CCK: variants seen among roughly 807,000 people sequenced by gnomAD.
CCK encodes cholecystokinin triacontatriapeptide.
A neutral mutation model predicts 10.1 loss-of-function variants in CCK; 11 were observed. That is an observed-to-expected ratio of 1.09 (90% CI 0.69 to 1.81). The LOEUF is 1.81. CCK is among the 40% of genes most tolerant of loss of function. The pLI, the probability that CCK is intolerant of heterozygous loss-of-function variation, is 0.00. For synonymous variants in CCK, 83 were observed against 71.9 expected, an observed-to-expected ratio of 1.15 and a Z score of -0.78; for missense variants, 137 against 159.9, an observed-to-expected ratio of 0.86 and a Z score of 0.77.
intron 3 of CCK, 122 bp from the exon 4 acceptor site, chr3:42,263,754 G>A: frequency 1.4e-6 from 2 of 1,409,844 alleles, no homozygotes; most frequent in Non-Finnish European, 1.9e-6. Context: ...CCGCCAGGCC[G>A]CCGCAAGCAC....
chr3:42,259,569 G>A (rs1345068758), intron 4 of CCK, among the ~76,000 whole-genome samples: 1 of 152,122 alleles, frequency 6.6e-6, no homozygotes, highest in Non-Finnish European at 1.5e-5. Context: ...AGAAGGGGGG[G>A]AGAGAGGTGA....
chr3:42,263,437 T>C lies in CCK; in HGVS notation c.194A>G (p.Tyr65Cys). The C allele has an allele frequency of 6.2e-7, 1 of 1,614,176 alleles. No individual in the cohort carries two copies. Among genetic ancestry groups the C allele is most frequent in the South Asian group, 1.1e-5 (1 of 91,084 alleles). ...RAHLGALLAR[Y>C]IQQARKAPSG... is the part of the protein sequence containing the mutation. ...CTTACCTTTCCGGGCCTGCTGGATG[T>C]ATCTTGCCAGCAGGGCGCCCAGGTG... The change falls in exon 4 of 5, where the codon TAC (tyrosine) becomes TGC (cysteine). Residue 65 changes from tyrosine (Y) to cysteine (C), a missense_variant. Tyr to Cys is a radical substitution (Grantham distance 194, BLOSUM62 -2). Coordinates refer to ENST00000396169, the MANE Select transcript of CCK (RefSeq NM_000729.6).
intron 4 of CCK, among the ~76,000 whole-genome samples, chr3:42,262,217 CTTTTTTTT>C (rs11298401): frequency 4.0e-5 from 4 of 101,246 alleles, no homozygotes; most frequent in African/African-American, 1.2e-4. Context: ...TTGCTAAGTT[CTTTTTTTT>C]TTTTTTTTTT....
intron 4 of CCK, 135 bp downstream of exon 4, chr3:42,263,282 G>C (rs1052120845): frequency 1.5e-6 from 2 of 1,370,912 alleles, no homozygotes; most frequent in Non-Finnish European, 2.1e-6. Flanking sequence ...TTGCTACAAA[G>C]GACCGCCAGA....
chr3:42,261,763 T>C (rs1224564625), intron 4 of CCK, among the ~76,000 whole-genome samples: 1 of 152,136 alleles, frequency 6.6e-6, no homozygotes, highest in Non-Finnish European at 1.5e-5. Flanking sequence ...CACAGTTAAA[T>C]GAAAAGCCTA....
chr3:42,263,702 G>A, intron 3 of CCK, 70 bp from the exon 4 acceptor site: 1 of 1,455,856 alleles, frequency 6.9e-7, no homozygotes, highest in Non-Finnish European at 9.1e-7. Context: ...GGCGGGCCGG[G>A]CACCCAGAAG....
intron 4 of CCK, among the ~76,000 whole-genome samples, chr3:42,261,649 C>G (rs1711215688): frequency 6.7e-6 from 1 of 148,452 alleles, no homozygotes; most frequent in African/African-American, 2.5e-5. Context: ...AATTTTGGAA[C>G]CAAGACTCAA....
At chr3:42,258,268 C>A in intron 4 of CCK, 37 bp from the exon 5 acceptor site, 6 of 1,594,472 alleles carry the variant, frequency 3.8e-6, no homozygotes, top group Non-Finnish European at 4.3e-6. Context: ...AGGGACATTG[C>A]ATCTAAAAGC....
At chr3:42,261,617 T>TTC (rs35155419) in intron 4 of CCK, among the ~76,000 whole-genome samples, 13,977 of 151,516 alleles carry the variant, frequency 0.092, 788 homozygotes, top group Admixed American at 0.14. Context: ...GCTTTTTTTT[T>TTC]TTTCTTTTTT....
At position 42,262,217 on chromosome 3, in the gene CCK, C is replaced by CTTTTTT. The variant is rs11298401; in HGVS notation, c.214+1194_214+1199dup. On this transcript the variant is annotated intron_variant, in intron 4 of 4. Coordinates refer to ENST00000396169, the MANE Select transcript of CCK (RefSeq NM_000729.6). ...CCCTTCCAGCAGTGTTTGCTAAGTT[C>CTTTTTT]TTTTTTTTTTTTTTTTTTTTTTTAG... Among the ~76,000 whole-genome samples the CTTTTTT allele has an allele frequency of 2.9e-4, 29 of 101,248 alleles. 1 individual carries two copies. The highest frequency in any genetic ancestry group is 4.5e-4 in the Non-Finnish European group (24 of 52,890). 66.4% of individuals were successfully genotyped at this position (101,248 alleles called of 152,430 possible).
Position 42,263,459 on chromosome 3 carries a change from G to A in CCK, c.172C>T (p.Leu58=). 4 of 1,614,178 alleles carry A rather than the reference G, an allele frequency of 2.5e-6. No individual in the cohort carries two copies. Among genetic ancestry groups the A allele is most frequent in the Non-Finnish European group, 3.4e-6 (4 of 1,180,012 alleles). ...ATGTATCTTGCCAGCAGGGCGCCCA[G>A]GTGCGCTCGGGACTCGCCATCCGTT... ...QRTDGESRAH[L]GALLARYIQQ... The change falls in exon 4 of 5, where the codon CTG becomes TTG. Residue 58 remains leucine (L), a synonymous_variant. Coordinates refer to ENST00000396169, the MANE Select transcript of CCK (RefSeq NM_000729.6).
intron 1 of CCK, 69 bp downstream of exon 1, chr3:42,265,615 G>C (rs965118374): frequency 6.6e-6 from 1 of 152,358 alleles, no homozygotes; most frequent in Non-Finnish European, 1.5e-5. Flanking sequence ...CGCAAGCTCG[G>C]GTAGACCACG....
chr3:42,259,994 T>C (rs898218920), intron 4 of CCK, among the ~76,000 whole-genome samples: 2 of 152,204 alleles, frequency 1.3e-5, no homozygotes, highest in African/African-American at 4.8e-5. Flanking sequence ...TGCCAGCTCC[T>C]ACCCATAGGC....
At position 42,258,051 on chromosome 3, in the gene CCK, C is replaced by T. The variant is rs3774394; in HGVS notation, c.*47G>A. 6.3e-7 allele frequency: 1 copy of T among 1,574,804 alleles called. No individual in the cohort carries two copies. Among genetic ancestry groups the T allele is most frequent in the Non-Finnish European group, 8.6e-7 (1 of 1,160,792 alleles). On this transcript the variant is annotated 3_prime_UTR_variant, in exon 5 of 5. Coordinates refer to ENST00000396169, the MANE Select transcript of CCK (RefSeq NM_000729.6). ...TGATTGTTTTCTTATTCTGCCTCCTCTGGGTTGGGAGGTTGCTTCCCGTTG... is the reference window on the plus strand; with the variant it reads ...TGATTGTTTTCTTATTCTGCCTCCTTTGGGTTGGGAGGTTGCTTCCCGTTG...
In CCK at chr3:42,264,786, T is replaced by C. The variant is rs1477266325; in HGVS notation, c.-92A>G. 3 of 152,296 alleles carry C rather than the reference T, an allele frequency of 2.0e-5. No individual in the cohort carries two copies. The highest frequency in any genetic ancestry group is 2.9e-5 in the Non-Finnish European group (2 of 68,166). 9.4% of individuals were successfully genotyped at this position (152,296 alleles called of 1,614,324 possible). A position where few individuals can be genotyped will look rare whatever the true frequency, so the allele number is the denominator to read the frequency against. On this transcript the variant is annotated 5_prime_UTR_variant, in exon 3 of 5. Transcript: ENST00000396169. The stretch of plus-strand genomic sequence containing the variant: ...TTCAGGGAGGACCAGCGGGCGGCTG[T>C]CTCTTAAATAGCCCCACCCGGCGGC...
At chr3:42,258,469 G>A (rs1022892949) in intron 4 of CCK, among the ~76,000 whole-genome samples, 4 of 152,200 alleles carry the variant, frequency 2.6e-5, no homozygotes, top group African/African-American at 4.8e-5. Flanking sequence ...TGTGCTTTGC[G>A]TTCTGCAAGT....
intron 3 of CCK, 112 bp from the exon 4 acceptor site, chr3:42,263,744 C>T (rs1357420636): frequency 7.0e-7 from 1 of 1,419,388 alleles, no homozygotes; most frequent in Non-Finnish European, 9.2e-7. Flanking sequence ...TGCTCCAGAC[C>T]CGCCAGGCCG....
In CCK at chr3:42,263,545, G is replaced by T; in HGVS notation, c.86C>A (p.Ala29Glu). The T allele has an allele frequency of 6.2e-7, 1 of 1,612,068 alleles. No individual in the cohort carries two copies. Among genetic ancestry groups the T allele is most frequent in the Non-Finnish European group, 8.5e-7 (1 of 1,179,208 alleles). Residue 29 changes from alanine (A) to glutamate (E), a missense_variant, in exon 4 of 5, where the codon GCG becomes GAG. By Grantham distance (107) the Ala-to-Glu change is moderately radical (BLOSUM62 -1). Coordinates refer to ENST00000396169, the MANE Select transcript of CCK (RefSeq NM_000729.6). ...LTQPVPPADP[A>E]GSGLQRAEEA... is the part of the protein sequence containing the mutation. ...CTCTGCCCGCTGCAGCCCGGAGCCC[G>T]CGGGATCTGCGGGAGGCACCGGCTG...
At chr3:42,263,368 A>G (rs1711242250) in intron 4 of CCK, 49 bp downstream of exon 4, 1 of 1,613,638 alleles carries the variant, frequency 6.2e-7, no homozygotes, top group Non-Finnish European at 8.5e-7. Flanking sequence ...CAGCATCGGG[A>G]GCCTGGGAAC....
Sources: allele counts gnomAD v4.1 joint callset (sites outside exome capture counted in the v4.1 genomes callset), GRCh38; gene constraint gnomAD v4.1.1; transcripts MANE v1.5; gene names NCBI Gene and HGNC (gene_info 2026-07-23, HGNC 2026-07-21).